The following STAT6 variants were observed in gnomAD, a reference collection of about 807,000 sequenced individuals.
The protein encoded by STAT6 is STAT, interleukin4-induced.
A neutral mutation model predicts 106.3 loss-of-function variants in STAT6; 45 were observed. The ratio of observed to expected loss-of-function variants is 0.42; its 90% CI spans 0.33 to 0.54. The LOEUF (loss-of-function observed/expected upper bound fraction) is 0.54. Among genes scored for constraint, STAT6 ranks in the 20% least tolerant of loss-of-function variants. STAT6 has a pLI of 0.06. For missense variants in STAT6, 797 were observed against 1,062.2 expected, an observed-to-expected ratio of 0.75 and a Z score of 3.47; for synonymous variants, 413 against 413.6, an observed-to-expected ratio of 1.00 and a Z score of 0.02.
chr12:57,109,286 C>T (rs770628014), intron 1 of STAT6, among the ~76,000 whole-genome samples: 3 of 152,120 alleles, frequency 2.0e-5, no homozygotes, highest in Non-Finnish European at 4.4e-5. Flanking sequence ...GTAATAACAG[C>T]TACTATTTGT....
Position 57,106,211 on chromosome 12 carries a change from G to T in STAT6, c.660C>A (p.Ser220Arg). The change falls in exon 7 of 22, where the codon AGC becomes AGA. Residue 220 changes from serine (S) to arginine (R), a missense_variant. Physicochemically the swap from Ser to Arg is moderately radical, Grantham distance 110. Transcript: ENST00000300134. ...LAGNGAPFEE[S>R]LAPLQERCES... is the part of the protein sequence containing the mutation. ...CCAACCTCTCCTGGAGTGGGGCCAG[G>T]CTCTCCTCAAACGGTGCGCCATTCC... 6.2e-7 allele frequency: 1 copy of T among 1,614,140 alleles called. No homozygotes were observed. Among genetic ancestry groups the T allele is most frequent in the Non-Finnish European group, 8.5e-7 (1 of 1,180,028 alleles).
chr12:57,099,254 G>C lies in STAT6; in HGVS notation c.1891+40C>G. ...GGGCAGCGGGGAGCAGGGAGGAAGT[G>C]GGTGACAGGAAGGAATCAGAGCTGC... On this transcript the variant is annotated intron_variant, in intron 16 of 21. Coordinates refer to ENST00000300134, the MANE Select transcript of STAT6 (RefSeq NM_003153.5). This position sits in a 1 kb window ranked among gnomAD's most constrained non-coding sequence, Gnocchi z 4.7. The C allele has an allele frequency of 1.9e-6, 3 of 1,612,924 alleles. No homozygotes were observed. The highest frequency in any genetic ancestry group is 2.5e-6 in the Non-Finnish European group (3 of 1,179,160).
Position 57,102,483 on chromosome 12 carries a change from A to G in STAT6, c.1319T>C (p.Phe440Ser), listed in dbSNP as rs1182610122. 1 of 1,613,460 alleles carries G rather than the reference A, an allele frequency of 6.2e-7. No homozygotes were observed. Among genetic ancestry groups the G allele is most frequent in the African/African-American group, 1.3e-5 (1 of 74,860 alleles). The change falls in exon 13 of 22, where the codon TTT (phenylalanine) becomes TCT (serine). Residue 440 changes from phenylalanine (F) to serine (S), a missense_variant. Phe to Ser is a radical substitution (Grantham distance 155). Around this residue, in one of 4 missense-constraint regions of STAT6, gnomAD observed 222 missense variants for 354.6 expected, o/e 0.63. Coordinates refer to ENST00000300134, the MANE Select transcript of STAT6 (RefSeq NM_003153.5). The stretch of plus-strand genomic sequence containing the variant: ...CCAGGGCACCCGCTCAGCCACCACA[A>G]AGGGCACGCGGTCCTGGGGAGAAGG... ...NAFSEMDRVP[F>S]VVAERVPWEK...
In STAT6 at chr12:57,096,232, C is replaced by A. The variant is rs969249852; in HGVS notation, c.*340G>T. Reference sequence around the variant, plus strand: ...CTAACCTGTGCTCTTACCCAGCCCCCCTCCTGCTCAGCCCCATCACCCTCA... The same window carrying A: ...CTAACCTGTGCTCTTACCCAGCCCCACTCCTGCTCAGCCCCATCACCCTCA... On this transcript the variant is annotated 3_prime_UTR_variant, in exon 22 of 22. Transcript: ENST00000300134. 2.4e-5 allele frequency: 6 copies of A among 251,438 alleles called. No homozygotes were observed. Among genetic ancestry groups the A allele is most frequent in the Non-Finnish European group, 3.8e-5 (5 of 132,252 alleles). 15.6% of individuals were successfully genotyped at this position (251,438 alleles called of 1,614,324 possible).
Position 57,105,357 on chromosome 12 carries a change from A to C in STAT6, c.813-18T>G. ...GGAAGCAACTGGGAGTGAGGAGGACACAAGGGGAGTTGGGGGCTAGGTCCC... is the reference window on the plus strand; with the variant it reads ...GGAAGCAACTGGGAGTGAGGAGGACCCAAGGGGAGTTGGGGGCTAGGTCCC... On this transcript the variant is annotated intron_variant, in intron 8 of 21. Transcript: ENST00000300134. 6.2e-7 allele frequency: 1 copy of C among 1,612,718 alleles called. No individual in the cohort carries two copies. The highest frequency in any genetic ancestry group is 8.5e-7 in the Non-Finnish European group (1 of 1,178,892).
rs941034056 is a variant in STAT6, at chr12:57,096,135, A to C, written c.*437T>G. The C allele has an allele frequency of 2.5e-5, 4 of 162,792 alleles. No individual in the cohort carries two copies. The highest frequency in any genetic ancestry group is 3.0e-3 in the Middle Eastern group (1 of 336). 10.1% of individuals were successfully genotyped at this position (162,792 alleles called of 1,614,324 possible). A position where few individuals can be genotyped will look rare whatever the true frequency, so the allele number is the denominator to read the frequency against. Reference sequence around the variant, plus strand: ...ATCCTCTATCCCTGGCCTCTAGTGTAAATGTGTCTGTATGTTCCTGCCTAT... The same window carrying C: ...ATCCTCTATCCCTGGCCTCTAGTGTCAATGTGTCTGTATGTTCCTGCCTAT... On this transcript the variant is annotated 3_prime_UTR_variant, in exon 22 of 22. Coordinates refer to ENST00000300134, the MANE Select transcript of STAT6 (RefSeq NM_003153.5).
At position 57,106,556 on chromosome 12, in the gene STAT6, G is replaced by C. The variant is rs748898318; in HGVS notation, c.503C>G (p.Thr168Ser). 41 of 1,614,088 alleles carry C rather than the reference G, an allele frequency of 2.5e-5. No individual in the cohort carries two copies. The South Asian group carries it at 4.5e-4, about 18-fold the overall frequency. ...GQVSLHSLIETPANGTGPSEA... is the reference protein window; with the variant it reads ...GQVSLHSLIESPANGTGPSEA... ...ACTTGGCCCAGTCCCATTAGCAGGA[G>C]TTTCTATCAAGCTGTGCAGAGACAC... Residue 168 changes from threonine to serine, a missense_variant, in exon 6 of 22, where the codon ACT becomes AGT. Physicochemically the swap from Thr to Ser is moderately conservative, Grantham distance 58 (BLOSUM62 1). Transcript: ENST00000300134.
At position 57,106,701 on chromosome 12, in the gene STAT6, GCCTCAGCC is replaced by G; in HGVS notation, c.462_469del (p.Ala155TrpfsTer14). 1 of 1,614,116 alleles carries G rather than the reference GCCTCAGCC, an allele frequency of 6.2e-7. No individual in the cohort carries two copies. Among genetic ancestry groups the G allele is most frequent in the Non-Finnish European group, 8.5e-7 (1 of 1,180,010 alleles). On this transcript the variant is annotated frameshift_variant, in exon 5 of 22. Transcript: ENST00000300134. LOFTEE classifies it high-confidence loss of function. ...ACCACCCTGGCCCCCACCTTGGCCA[GCCTCAGCC>G]CCCTTCTGCAGGGCTTCTCGGAGAA...
intron 13 of STAT6, chr12:57,100,696 GAAAGAGAA>G (rs1555175042): frequency 0.021 from 1,024 of 48,450 alleles, 2 homozygotes; most frequent in African/African-American, 0.037. Context: ...AAGAAAGAAA[GAAAGAGAA>G]AGAAAGAAAG....
In STAT6 at chr12:57,102,507, G is replaced by A. The variant is rs1463298755; in HGVS notation, c.1306-11C>T. On this transcript the variant is annotated splice_polypyrimidine_tract_variant and intron_variant, in intron 12 of 21. Transcript: ENST00000300134. ...AAAGGGCACGCGGTCCTGGGGAGAAGGGGGAAGAAGAGAGCACTGCAGGCT... is the reference window on the plus strand; with the variant it reads ...AAAGGGCACGCGGTCCTGGGGAGAAAGGGGAAGAAGAGAGCACTGCAGGCT... 6.2e-7 allele frequency: 1 copy of A among 1,612,664 alleles called. No homozygotes were observed. Among genetic ancestry groups the A allele is most frequent in the Non-Finnish European group, 8.5e-7 (1 of 1,179,828 alleles).
rs1380718201 is a variant in STAT6, at chr12:57,099,294, G to A, written c.1891C>T (p.Pro631Ser). The A allele has an allele frequency of 6.2e-7, 1 of 1,614,172 alleles. No individual in the cohort carries two copies. The highest frequency in any genetic ancestry group is 8.5e-7 in the Non-Finnish European group (1 of 1,180,024). Reference protein sequence around the residue: ...KDEAFRSHYKPEQMGKDGRGY... With the variant: ...KDEAFRSHYKSEQMGKDGRGY... ...ATCAGAGCTGCCAGTTCCAGCTCAC[G>A]CTTGTAGTGGCTCCGGAAAGCCTCA... The change falls in exon 16 of 22, where the codon CCT (proline) becomes TCT (serine). Residue 631 changes from proline to serine, a missense_variant and splice_region_variant. Coordinates refer to ENST00000300134, the MANE Select transcript of STAT6 (RefSeq NM_003153.5). This position sits in a 1 kb window ranked among gnomAD's most constrained non-coding sequence, Gnocchi z 4.7.
Position 57,096,466 on chromosome 12 carries a change from G to A in STAT6, c.*106C>T. 4.4e-6 allele frequency: 5 copies of A among 1,145,806 alleles called. No homozygotes were observed. The highest frequency in any genetic ancestry group is 6.2e-6 in the Non-Finnish European group (5 of 807,358). The allele number at this position is 1,145,806 out of a possible 1,614,324, so 71.0% of individuals were successfully genotyped here. ...GACCCAGGAGTAGGTGGGGATAGGA[G>A]GGCACCCTCCCCATCTGCTGCTTGG... On this transcript the variant is annotated 3_prime_UTR_variant, in exon 22 of 22. Transcript: ENST00000300134.
chr12:57,101,213 C>T (rs553590685), intron 13 of STAT6, among the ~76,000 whole-genome samples: 7 of 151,778 alleles, frequency 4.6e-5, no homozygotes, highest in Non-Finnish European at 8.8e-5. Flanking sequence ...CTCAGCCTCC[C>T]GAGTAGTTGG....
rs2033686967 is a variant in STAT6 at position 57,099,645 on chromosome 12, A to AGAAGCTG, written c.1744+115_1744+121dup. Reference sequence around the variant, plus strand: ...ACATTTAGACCACAGAAGGAAGAAGAGAAGCTGGAAGAACTTCCTGAAGAT... The same window carrying AGAAGCTG: ...ACATTTAGACCACAGAAGGAAGAAGAGAAGCTGGAAGCTGGAAGAACTTCCTGAAGAT... On this transcript the variant is annotated intron_variant, in intron 15 of 21. Coordinates refer to ENST00000300134, the MANE Select transcript of STAT6 (RefSeq NM_003153.5). The surrounding 1 kb of genome is among the most constrained non-coding windows in gnomAD (Gnocchi z 4.7). 9 of 1,459,946 alleles carry AGAAGCTG rather than the reference A, an allele frequency of 6.2e-6. No individual in the cohort carries two copies. In the East Asian group the frequency reaches 2.1e-4, roughly 34 times the overall value. 90.4% of individuals were successfully genotyped at this position (1,459,946 alleles called of 1,614,324 possible). A position where few individuals can be genotyped will look rare whatever the true frequency, so the allele number is the denominator to read the frequency against.
At chr12:57,104,409 G>A in intron 11 of STAT6, 55 bp downstream of exon 11, 1 of 1,573,414 alleles carries the variant, frequency 6.4e-7, no homozygotes, top group Non-Finnish European at 8.6e-7. Context: ...CTTGTGTGTG[G>A]CATTGGAGGA....
In STAT6 at chr12:57,096,564, A is replaced by G; in HGVS notation, c.*8T>C. The G allele has an allele frequency of 6.3e-7, 1 of 1,577,190 alleles. No individual in the cohort carries two copies. The highest frequency in any genetic ancestry group is 8.6e-7 in the Non-Finnish European group (1 of 1,163,996). On this transcript the variant is annotated 3_prime_UTR_variant, in exon 22 of 22. Coordinates refer to ENST00000300134, the MANE Select transcript of STAT6 (RefSeq NM_003153.5). ...AGCTGTCTCTTTGGGTTCTCCCTCC[A>G]GCTGGGATCACCAACTGGGGTTGGC...
In STAT6 at chr12:57,107,753, G is replaced by T. The variant is rs769012647; in HGVS notation, c.117-10C>A. ...GCCGACCAGGAACTCCCTGCAGGAA[G>T]ATCAGGATGAGGCTACCTCAGGCCA... On this transcript the variant is annotated splice_polypyrimidine_tract_variant and intron_variant, in intron 2 of 21. Coordinates refer to ENST00000300134, the MANE Select transcript of STAT6 (RefSeq NM_003153.5). 5.6e-6 allele frequency: 9 copies of T among 1,613,770 alleles called. No individual in the cohort carries two copies. In the East Asian group the frequency reaches 1.8e-4, roughly 32 times the overall value.
chr12:57,097,078 G>A lies in STAT6; in HGVS notation c.2215C>T (p.Pro739Ser). 1 of 1,544,438 alleles carries A rather than the reference G, an allele frequency of 6.5e-7. No individual in the cohort carries two copies. Among genetic ancestry groups the A allele is most frequent in the Non-Finnish European group, 8.7e-7 (1 of 1,144,810 alleles). ...GGCTTTGTCACTCACTGGGGGTGAGGCTGGTCAAAGGGCAGGCTCATCTGG... is the reference window on the plus strand; with the variant it reads ...GGCTTTGTCACTCACTGGGGGTGAGACTGGTCAAAGGGCAGGCTCATCTGG... The part of the protein sequence containing the change: ...LGQMSLPFDQ[P>S]HPQGLLPCQP... The change falls in exon 20 of 22, where the codon CCT (proline) becomes TCT (serine). Residue 739 changes from proline to serine, a missense_variant. Around this residue, in one of 4 missense-constraint regions of STAT6, gnomAD observed 226 missense variants for 236.7 expected, o/e 0.95. Transcript: ENST00000300134.
chr12:57,099,581 C>T lies in STAT6; in HGVS notation c.1745-141G>A, dbSNP rs2033683222. The T allele has an allele frequency of 7.2e-7, 1 of 1,383,350 alleles. No individual in the cohort carries two copies. Among genetic ancestry groups the T allele is most frequent in the African/African-American group, 1.4e-5 (1 of 69,436 alleles). 85.7% of individuals were successfully genotyped at this position (1,383,350 alleles called of 1,614,324 possible). A position where few individuals can be genotyped will look rare whatever the true frequency, so the allele number is the denominator to read the frequency against. ...GGGGCTCCTGAGGGAGAGAGACCCACTAGTCTCCGTTCCCACAGAGCTCAC... is the reference window on the plus strand; with the variant it reads ...GGGGCTCCTGAGGGAGAGAGACCCATTAGTCTCCGTTCCCACAGAGCTCAC... On this transcript the variant is annotated intron_variant, in intron 15 of 21. Transcript: ENST00000300134. The surrounding 1 kb of genome is among the most constrained non-coding windows in gnomAD (Gnocchi z 4.7).
Sources: gnomAD v4.1 joint callset for allele counts (sites outside exome capture counted in the v4.1 genomes callset) on GRCh38, gnomAD v4.1.1 for gene constraint, gnomAD v4.1.1 regional missense constraint, Gnocchi (gnomAD v3.1) non-coding constraint, MANE v1.5 for transcripts, NCBI Gene and HGNC (gene_info 2026-07-23, HGNC 2026-07-21) for gene names.